The following RFX7 variants were observed in gnomAD, a reference collection of about 807,000 sequenced individuals.
RFX7 encodes DNA-binding protein RFX7.
Under a neutral mutation model 111.8 loss-of-function variants are expected in RFX7, and 26 were observed. The observed-to-expected ratio is 0.23, with a 90% CI of 0.17 to 0.32. The LOEUF (loss-of-function observed/expected upper bound fraction) is 0.32. Among genes scored for constraint, RFX7 ranks in the 10% least tolerant of loss-of-function variants. The pLI is 1.00. For synonymous variants in RFX7, 624 were observed against 624.4 expected, an observed-to-expected ratio of 1.00 and a Z score of 0.01; for missense variants, 1,573 against 1,772.9, an observed-to-expected ratio of 0.89 and a Z score of 2.02.
intron 2 of RFX7, among the ~76,000 whole-genome samples, chr15:56,188,646 G>A (rs971586040): frequency 6.6e-6 from 1 of 152,136 alleles, no homozygotes; most frequent in Non-Finnish European, 1.5e-5. Context: ...AAAGCAATTC[G>A]AGGGACAAAA....
At chr15:56,197,345 G>C (rs2043154347) in intron 2 of RFX7, among the ~76,000 whole-genome samples, 1 of 151,952 alleles carries the variant, frequency 6.6e-6, no homozygotes, top group African/African-American at 2.4e-5. Context: ...ATTGTCCAAG[G>C]AAAATTTTTA....
chr15:56,235,028 C>A (rs771637666), intron 2 of RFX7, among the ~76,000 whole-genome samples: 2 of 152,132 alleles, frequency 1.3e-5, no homozygotes, highest in Non-Finnish European at 2.9e-5. Flanking sequence ...CTTATATCAG[C>A]AGAAACAACA....
intron 3 of RFX7, chr15:56,160,647 G>A (rs2042709731): frequency 6.6e-6 from 1 of 151,976 alleles, no homozygotes; most frequent in Non-Finnish European, 1.5e-5. Context: ...GAAAGTATAA[G>A]GATCAAAAGG....
intron 2 of RFX7, among the ~76,000 whole-genome samples, chr15:56,207,863 C>T (rs1259376097): frequency 1.3e-5 from 2 of 152,132 alleles, no homozygotes; most frequent in Non-Finnish European, 2.9e-5. Flanking sequence ...ATCACAAACC[C>T]CCCAAATGGG....
At chr15:56,124,049 T>C (rs2042110870) in intron 5 of RFX7, among the ~76,000 whole-genome samples, 1 of 152,018 alleles carries the variant, frequency 6.6e-6, no homozygotes, top group South Asian at 2.1e-4. Flanking sequence ...GTGTAGATAA[T>C]TGTTAAATTT....
chr15:56,172,908 C>T (rs916533681), intron 3 of RFX7, among the ~76,000 whole-genome samples: 2 of 152,136 alleles, frequency 1.3e-5, no homozygotes, highest in Non-Finnish European at 2.9e-5. Flanking sequence ...GCAACTCTCC[C>T]AGCACCACCA....
At chr15:56,225,953 A>G (rs2043478673) in intron 2 of RFX7, among the ~76,000 whole-genome samples, 1 of 152,126 alleles carries the variant, frequency 6.6e-6, no homozygotes, top group Non-Finnish European at 1.5e-5. Context: ...ATGAATAACT[A>G]TTTTCTTTTA....
intron 2 of RFX7, among the ~76,000 whole-genome samples, chr15:56,185,979 T>C (rs967827588): frequency 1.3e-5 from 2 of 152,240 alleles, no homozygotes; most frequent in African/African-American, 2.4e-5. Flanking sequence ...CATTTGTCTC[T>C]GCTGAATTTC....
chr15:56,172,125 C>T (rs1371349183), intron 3 of RFX7, among the ~76,000 whole-genome samples: 1 of 151,898 alleles, frequency 6.6e-6, no homozygotes, highest in Non-Finnish European at 1.5e-5. Context: ...ACAGAGTGAA[C>T]TGAAAAAAGG....
At chr15:56,158,693 A>G (rs7174823) in intron 3 of RFX7, among the ~76,000 whole-genome samples, 49,915 of 151,866 alleles carry the variant, frequency 0.33, 9,339 homozygotes, top group Non-Finnish European at 0.41. Context: ...GTGGTGGTGC[A>G]TACCTGTAGT....
At chr15:56,176,938 T>C (rs1159228392) in intron 3 of RFX7, among the ~76,000 whole-genome samples, 1 of 15,298 alleles carries the variant, frequency 6.5e-5, no homozygotes, top group African/African-American at 7.4e-5. Context: ...AGCCAGGGTA[T>C]TAAAAAAAAA....
intron 2 of RFX7, among the ~76,000 whole-genome samples, chr15:56,194,854 C>A (rs1365083707): frequency 6.6e-6 from 1 of 152,052 alleles, no homozygotes; most frequent in African/African-American, 2.4e-5. Context: ...AAAAACTTGA[C>A]ATATCTTCAA....
At chr15:56,103,510 T>A in intron 6 of RFX7, 44 bp downstream of exon 6, 2 of 1,227,914 alleles carry the variant, frequency 1.6e-6, no homozygotes, top group Non-Finnish European at 2.3e-6. Context: ...CTATAACAAG[T>A]GAGAACACAG....
At chr15:56,241,985 G>A (rs1269654542) in intron 2 of RFX7, among the ~76,000 whole-genome samples, 1 of 152,120 alleles carries the variant, frequency 6.6e-6, no homozygotes, top group Non-Finnish European at 1.5e-5. Context: ...CCTAAATCTT[G>A]TATTTAAAAA....
intron 5 of RFX7, among the ~76,000 whole-genome samples, chr15:56,116,954 A>T (rs543703661): frequency 1.3e-5 from 2 of 152,330 alleles, no homozygotes; most frequent in Admixed American, 6.5e-5. Context: ...AATGTTCAAA[A>T]ACAAGCAAAG....
chr15:56,105,465 C>T (rs1279383833), intron 5 of RFX7, among the ~76,000 whole-genome samples: 1 of 152,112 alleles, frequency 6.6e-6, no homozygotes, highest in Non-Finnish European at 1.5e-5. Context: ...TAAAGAAACA[C>T]ATTAAAAGAC....
intron 5 of RFX7, among the ~76,000 whole-genome samples, chr15:56,131,110 T>TTA (rs1555419958): frequency 7.0e-6 from 1 of 142,050 alleles, no homozygotes; most frequent in Non-Finnish European, 1.5e-5. Flanking sequence ...AAAGATAGCA[T>TTA]AAAAAAAAAA....
chr15:56,146,191 G>A (rs1264353686), intron 3 of RFX7, among the ~76,000 whole-genome samples: 1 of 151,920 alleles, frequency 6.6e-6, no homozygotes, highest in Non-Finnish European at 1.5e-5. Flanking sequence ...TCAAACTCCT[G>A]GGCTCAACTG....
At chr15:56,184,808 G>T (rs532641065) in intron 2 of RFX7, among the ~76,000 whole-genome samples, 30 of 152,136 alleles carry the variant, frequency 2.0e-4, no homozygotes, top group Non-Finnish European at 3.8e-4. Context: ...TATAATTACT[G>T]CCACTGGCAT....
Sources: allele counts gnomAD v4.1 joint callset (sites outside exome capture counted in the v4.1 genomes callset), GRCh38; gene constraint gnomAD v4.1.1; transcripts MANE v1.5; gene names NCBI Gene and HGNC (gene_info 2026-07-23, HGNC 2026-07-21).